BAZ1A: variants seen among roughly 807,000 people sequenced by gnomAD.
BAZ1A encodes the protein bromodomain adjacent to zinc finger domain 1A.
In BAZ1A, 50 loss-of-function variants were observed where a neutral mutation model predicts 185.2. That is an observed-to-expected ratio of 0.27 (90% CI 0.22 to 0.34). BAZ1A has a LOEUF of 0.34. Ranked by LOEUF, BAZ1A falls within the 10% of genes least tolerant of loss-of-function variation. The pLI is 1.00. For synonymous variants in BAZ1A, 571 were observed against 615.6 expected (o/e 0.93, Z 1.07); for missense variants, 1,356 against 1,839.9 (o/e 0.74, Z 4.81).
At chr14:34,834,602 A>G (rs757032602) in intron 3 of BAZ1A, among the ~76,000 whole-genome samples, 3 of 152,218 alleles carry the variant, frequency 2.0e-5, no homozygotes, top group Non-Finnish European at 4.4e-5. Flanking sequence ...CAATGCTACT[A>G]TTGACTTTGT....
chr14:34,763,384 C>T (rs1041572700), intron 23 of BAZ1A, among the ~76,000 whole-genome samples: 1 of 147,964 alleles, frequency 6.8e-6, no homozygotes, highest in Non-Finnish European at 1.5e-5. Context: ...GCTTCATACT[C>T]ATTTTCCTGC....
chr14:34,787,364 A>AAAAAAAGAAAAGAAAAAGAAAAGT (rs1555339674), intron 12 of BAZ1A, among the ~76,000 whole-genome samples: 1 of 30,412 alleles, frequency 3.3e-5, no homozygotes, highest in South Asian at 1.6e-3. Flanking sequence ...AAAAAAAAAA[A>AAAAAAAGAAAAGAAAAAGAAAAGT]AAAAGAAAAG....
chr14:34,798,591 C>T (rs997544371), intron 9 of BAZ1A, among the ~76,000 whole-genome samples: 3 of 152,230 alleles, frequency 2.0e-5, no homozygotes, highest in African/African-American at 4.8e-5. Context: ...TGAACAGACA[C>T]TTCTCAAAAG....
At chr14:34,866,728 A>T (rs1279577764) in intron 2 of BAZ1A, among the ~76,000 whole-genome samples, 2 of 151,968 alleles carry the variant, frequency 1.3e-5, no homozygotes, top group African/African-American at 4.8e-5. Flanking sequence ...TAACTTAAAC[A>T]ATACTTAGTA....
intron 6 of BAZ1A, 23 bp downstream of exon 6, chr14:34,807,428 A>G (rs1261807427): frequency 6.4e-7 from 1 of 1,552,760 alleles, no homozygotes; most frequent in Admixed American, 1.7e-5. Flanking sequence ...GTCTTCCAAC[A>G]AATAATTTCA....
chr14:34,856,534 A>G (rs903754055), intron 3 of BAZ1A, among the ~76,000 whole-genome samples: 9 of 151,846 alleles, frequency 5.9e-5, no homozygotes, highest in Non-Finnish European at 1.2e-4. Context: ...CAAAACCCCA[A>G]TATACCCAGC....
At chr14:34,872,305 T>A (rs1007885347) in intron 2 of BAZ1A, among the ~76,000 whole-genome samples, 1 of 152,154 alleles carries the variant, frequency 6.6e-6, no homozygotes, top group Non-Finnish European at 1.5e-5. Context: ...TTAATATTAA[T>A]GGAAGATAAG....
Position 34,785,814 on chromosome 14 carries a change from C to T in BAZ1A, c.1794G>A (p.Lys598=). Residue 598 remains lysine (K), a synonymous_variant, in exon 14 of 27, where the codon AAG becomes AAA. Coordinates refer to ENST00000360310, the MANE Select transcript of BAZ1A (RefSeq NM_013448.3). ...ELRLSNPSLV[K]KLSSTSVYDL... ...CATACACTGAGGTGCTTGACAGTTT[C>T]TTCACTAGACTGGGATTGCTCAAAC... The T allele has an allele frequency of 6.2e-7, 1 of 1,614,006 alleles. No homozygotes were observed. The highest frequency in any genetic ancestry group is 1.3e-5 in the African/African-American group (1 of 75,034).
At chr14:34,831,871 T>G (rs1253766574) in intron 3 of BAZ1A, among the ~76,000 whole-genome samples, 1 of 152,102 alleles carries the variant, frequency 6.6e-6, no homozygotes, top group African/African-American at 2.4e-5. Flanking sequence ...GTGAGAATAT[T>G]ATCGCTGATT....
intron 4 of BAZ1A, among the ~76,000 whole-genome samples, chr14:34,817,444 TGGA>T (rs1488740999): frequency 2.0e-5 from 3 of 152,122 alleles, no homozygotes; most frequent in Non-Finnish European, 2.9e-5. Context: ...AAAAATTAGC[TGGA>T]GGTGTTGGCA....
chr14:34,846,122 A>T (rs2042508786), intron 3 of BAZ1A, among the ~76,000 whole-genome samples: 1 of 152,146 alleles, frequency 6.6e-6, no homozygotes, highest in Non-Finnish European at 1.5e-5. Flanking sequence ...TAAGAACTTC[A>T]GAACCATTAC....
rs1886076689 is a variant in BAZ1A at position 34,752,931 on chromosome 14, A to G, written c.*577T>C. On this transcript the variant is annotated 3_prime_UTR_variant, in exon 27 of 27. Coordinates refer to ENST00000360310, the MANE Select transcript of BAZ1A (RefSeq NM_013448.3). Reference sequence around the variant, plus strand: ...GGAACATTTTTCAGGTATAAATTTTATAAATACAAAACAAATTCACAAATT... The same window carrying G: ...GGAACATTTTTCAGGTATAAATTTTGTAAATACAAAACAAATTCACAAATT... The G allele has an allele frequency of 2.0e-5, 3 of 152,620 alleles. No individual in the cohort carries two copies. The highest frequency in any genetic ancestry group is 2.4e-5 in the African/African-American group (1 of 41,464). 9.5% of individuals were successfully genotyped at this position (152,620 alleles called of 1,614,324 possible).
rs889446276 is a variant in BAZ1A, at chr14:34,809,580, T to C, written c.638+1355A>G. On this transcript the variant is annotated intron_variant, in intron 5 of 26. Transcript: ENST00000360310. ...CCATCTCTTTATTTAAAAAAAAGTA[T>C]TGTACTATTTTTTGATGCTAACAAA... is the stretch of plus-strand genomic sequence containing the variant. 2.6e-5 allele frequency among the ~76,000 whole-genome samples: 4 copies of C among 152,308 alleles called. No individual in the cohort carries two copies. The East Asian group carries it at 5.8e-4, about 22-fold the overall frequency.
chr14:34,857,077 G>T (rs188748453), intron 3 of BAZ1A, among the ~76,000 whole-genome samples: 20 of 150,524 alleles, frequency 1.3e-4, no homozygotes, highest in African/African-American at 2.7e-4. Flanking sequence ...CGCAATCTCG[G>T]CTCACTGCAA....
chr14:34,873,428 C>T (rs1393419894), intron 2 of BAZ1A, among the ~76,000 whole-genome samples: 2 of 152,192 alleles, frequency 1.3e-5, no homozygotes, highest in Non-Finnish European at 2.9e-5. Flanking sequence ...AACACACCCC[C>T]TTGCTCCGTG....
Position 34,762,088 on chromosome 14 carries a change from T to G in BAZ1A, c.3912A>C (p.Lys1304Asn). ...YPSRSQQSTP[K>N]TTVSSKTGRS... The stretch of plus-strand genomic sequence containing the variant: ...TACCAGTTTTAGAAGAAACAGTTGT[T>G]TTGGGTGTGCTCTGCTGACTCCTTG... The change falls in exon 24 of 27, where the codon AAA (lysine) becomes AAC (asparagine). Residue 1304 changes from lysine to asparagine, a missense_variant. Lys to Asn is a moderately conservative substitution (Grantham distance 94, BLOSUM62 0). This residue lies in a region of BAZ1A where 309 missense variants were observed against 355.3 expected (regional missense o/e 0.87). Coordinates refer to ENST00000360310, the MANE Select transcript of BAZ1A (RefSeq NM_013448.3). 6.2e-7 allele frequency: 1 copy of G among 1,614,192 alleles called. No homozygotes were observed. The highest frequency in any genetic ancestry group is 8.5e-7 in the Non-Finnish European group (1 of 1,180,036).
At chr14:34,754,645 C>T (rs1886164584) in intron 26 of BAZ1A, among the ~76,000 whole-genome samples, 182 bp downstream of exon 26, 5 of 152,074 alleles carry the variant, frequency 3.3e-5, no homozygotes, top group Admixed American at 3.3e-4. Flanking sequence ...TCTTTCATCC[C>T]CACATACACT....
chr14:34,790,430 T>C (rs1008766089), intron 12 of BAZ1A, among the ~76,000 whole-genome samples: 2 of 152,220 alleles, frequency 1.3e-5, no homozygotes, highest in Non-Finnish European at 2.9e-5. Flanking sequence ...CTCGGATCAC[T>C]GCAACCTCTG....
intron 9 of BAZ1A, among the ~76,000 whole-genome samples, chr14:34,796,975 A>T (rs1566567408): frequency 1.3e-5 from 2 of 152,250 alleles, no homozygotes; most frequent in African/African-American, 2.4e-5. Flanking sequence ...AGAAAGTTTT[A>T]AAAATATTCT....
Sources: gnomAD v4.1 joint callset for allele counts (sites outside exome capture counted in the v4.1 genomes callset) on GRCh38, gnomAD v4.1.1 for gene constraint, gnomAD v4.1.1 regional missense constraint, MANE v1.5 for transcripts, NCBI Gene and HGNC (gene_info 2026-07-23, HGNC 2026-07-21) for gene names.